Variants in PAPPA2 observed in about 807,000 individuals in gnomAD.
The protein encoded by PAPPA2 is pappalysin 2, also known as pappalysin-2.
PAPPA2 carries 86 observed loss-of-function variants against 176.4 expected under a neutral mutation model. The ratio of observed to expected loss-of-function variants is 0.49; its 90% CI spans 0.41 to 0.58. The LOEUF (loss-of-function observed/expected upper bound fraction) is 0.58, where lower values mean the gene tolerates loss of function less well. Ranked by LOEUF, PAPPA2 falls within the 20% of genes least tolerant of loss-of-function variation. PAPPA2 has a pLI of 0.00. For missense variants in PAPPA2, 2,073 were observed against 2,256.9 expected (o/e 0.92, Z 1.65); for synonymous variants, 809 against 852.2 (o/e 0.95, Z 0.88).
intron 2 of PAPPA2, among the ~76,000 whole-genome samples, chr1:176,562,198 A>G (rs1176572073): frequency 6.6e-6 from 1 of 152,142 alleles, no homozygotes; most frequent in Non-Finnish European, 1.5e-5. Flanking sequence ...TTTAAGGCCT[A>G]TATTGGTAAG....
At chr1:176,596,892 C>G (rs952523964) in intron 3 of PAPPA2, among the ~76,000 whole-genome samples, 1 of 152,140 alleles carries the variant, frequency 6.6e-6, no homozygotes, top group East Asian at 1.9e-4. Context: ...ACAAGGTATC[C>G]CCAGTACACA....
In PAPPA2 at chr1:176,840,235, G is replaced by A. The variant is rs904872534; in HGVS notation, c.5265G>A (p.Gly1755=). The change falls in exon 22 of 23, where the codon GGG becomes GGA. Residue 1755 remains glycine, a synonymous_variant. Coordinates refer to ENST00000367662, the MANE Select transcript of PAPPA2 (RefSeq NM_020318.3). ...ACCGAGCCTACTGCCACTATGACGG[G>A]GGAGACTGCTGCTCTTCCACACTCT... is the stretch of plus-strand genomic sequence containing the variant. The part of the protein sequence containing the change: ...INNRAYCHYD[G]GDCCSSTLSS... The A allele has an allele frequency of 2.5e-6, 4 of 1,613,214 alleles. No individual in the cohort carries two copies. The African/African-American group carries it at 5.3e-5, about 22-fold the overall frequency.
At chr1:176,635,532 T>A (rs1471108036) in intron 3 of PAPPA2, among the ~76,000 whole-genome samples, 1 of 152,164 alleles carries the variant, frequency 6.6e-6, no homozygotes, top group African/African-American at 2.4e-5. Context: ...GCCTTCATAA[T>A]TTATCTTGAG....
intron 2 of PAPPA2, among the ~76,000 whole-genome samples, chr1:176,567,299 C>G (rs1161857959): frequency 6.6e-6 from 1 of 152,152 alleles, no homozygotes; most frequent in Non-Finnish European, 1.5e-5. Context: ...AATGTGGAAA[C>G]TGGAATCCAA....
intron 3 of PAPPA2, among the ~76,000 whole-genome samples, chr1:176,607,463 T>A (rs557831328): frequency 1.3e-5 from 2 of 152,348 alleles, no homozygotes; most frequent in South Asian, 4.1e-4. Context: ...CATGCAACAT[T>A]TGACTTTCTG....
chr1:176,542,239 T>A (rs553882629), intron 1 of PAPPA2, among the ~76,000 whole-genome samples: 1 of 152,298 alleles, frequency 6.6e-6, no homozygotes, highest in African/African-American at 2.4e-5. Context: ...TTTCTGAGAC[T>A]GACAAGATTG....
chr1:176,675,167 G>C (rs142223840), intron 4 of PAPPA2, among the ~76,000 whole-genome samples: 1 of 151,914 alleles, frequency 6.6e-6, no homozygotes, highest in Non-Finnish European at 1.5e-5. Context: ...TTGTTTGGAG[G>C]AAGTTTATCT....
At chr1:176,791,623 A>ATG in intron 19 of PAPPA2, 141 bp downstream of exon 19, 1 of 932,632 alleles carries the variant, frequency 1.1e-6, no homozygotes, top group Non-Finnish European at 1.5e-6. Context: ...GCACAGTCTC[A>ATG]GCTCACTGCA....
chr1:176,791,063 C>T (rs570186259), intron 18 of PAPPA2, among the ~76,000 whole-genome samples: 182 of 151,256 alleles, frequency 1.2e-3, no homozygotes, highest in African/African-American at 4.1e-3. Context: ...ATATGAGCTT[C>T]GGTTGATAGC....
chr1:176,627,790 T>A (rs1431471950), intron 3 of PAPPA2, among the ~76,000 whole-genome samples: 1 of 152,096 alleles, frequency 6.6e-6, no homozygotes, highest in Non-Finnish European at 1.5e-5. Context: ...GTCACCCACA[T>A]AACAGTAGGA....
At chr1:176,668,035 A>T (rs1375875529) in intron 3 of PAPPA2, among the ~76,000 whole-genome samples, 3 of 152,122 alleles carry the variant, frequency 2.0e-5, no homozygotes, top group Non-Finnish European at 4.4e-5. Flanking sequence ...AACACGGTAG[A>T]CTGGAAACCT....
Position 176,739,363 on chromosome 1 carries a change from A to T in PAPPA2, c.3799-263A>T, listed in dbSNP as rs542134944. On this transcript the variant is annotated intron_variant, in intron 12 of 22. Transcript: ENST00000367662. ...AATTTAAAGAAAGACAGGGTCAAGT[A>T]AAAAAAAACAGTTCAGGTATCAGTC... Among the ~76,000 whole-genome samples, 240 of 149,290 alleles carry T rather than the reference A, an allele frequency of 1.6e-3. 1 individual carries two copies. Among genetic ancestry groups the T allele is most frequent in the South Asian group, 4.0e-3 (19 of 4,722 alleles).
chr1:176,739,741 G>T lies in PAPPA2; in HGVS notation c.3914G>T (p.Arg1305Leu), dbSNP rs771937888. 8.1e-5 allele frequency: 130 copies of T among 1,613,514 alleles called. No homozygotes were observed. The highest frequency in any genetic ancestry group is 1.1e-4 in the Non-Finnish European group (125 of 1,179,808). ...GTGACTCTCTACCTGACCGATGTCC[G>T]TGGAAGCAACCACTCTCTTGGTGAG... ...PTVTLYLTDVRGSNHSLGTYG... is the reference protein window; with the variant it reads ...PTVTLYLTDVLGSNHSLGTYG... The change falls in exon 13 of 23, where the codon CGT becomes CTT. Residue 1305 changes from arginine (R) to leucine (L), a missense_variant. Physicochemically the swap from Arg to Leu is moderately radical, Grantham distance 102. Around this residue, in one of 4 missense-constraint regions of PAPPA2, gnomAD observed 846 missense variants for 857.9 expected, o/e 0.99. Transcript: ENST00000367662.
chr1:176,665,704 C>A (rs1483539830), intron 3 of PAPPA2, among the ~76,000 whole-genome samples: 1 of 152,130 alleles, frequency 6.6e-6, no homozygotes, highest in South Asian at 2.1e-4. Context: ...TAAATCTTTC[C>A]ATGGACACAG....
chr1:176,468,928 C>T (rs191172698), intron 1 of PAPPA2, among the ~76,000 whole-genome samples: 2 of 152,164 alleles, frequency 1.3e-5, no homozygotes, highest in Non-Finnish European at 2.9e-5. Context: ...TTTGGCAATT[C>T]AAATGCATCA....
At chr1:176,496,501 C>T (rs1388044039) in intron 1 of PAPPA2, among the ~76,000 whole-genome samples, 2 of 152,006 alleles carry the variant, frequency 1.3e-5, no homozygotes, top group African/African-American at 4.8e-5. Flanking sequence ...TTTGTATTGC[C>T]GAGTGTTCCT....
intron 1 of PAPPA2, among the ~76,000 whole-genome samples, chr1:176,542,827 C>A (rs1484362381): frequency 2.0e-5 from 3 of 152,186 alleles, no homozygotes. Context: ...CATCTAGGGG[C>A]ATATCTGTTT....
At chr1:176,701,480 C>T (rs1408547473) in intron 8 of PAPPA2, among the ~76,000 whole-genome samples, 1 of 152,160 alleles carries the variant, frequency 6.6e-6, no homozygotes, top group Admixed American at 6.5e-5. Flanking sequence ...AGGTTTGCTT[C>T]TCTGGGGGAT....
chr1:176,722,536 A>G (rs570145160), intron 12 of PAPPA2, among the ~76,000 whole-genome samples: 29 of 147,642 alleles, frequency 2.0e-4, no homozygotes, highest in African/African-American at 7.3e-4. Context: ...TACAATTTCT[A>G]TTTCATCAGC....
Sources: allele counts gnomAD v4.1 joint callset (sites outside exome capture counted in the v4.1 genomes callset), GRCh38; gene constraint gnomAD v4.1.1; regional missense constraint gnomAD v4.1.1; transcripts MANE v1.5; gene names NCBI Gene and HGNC (gene_info 2026-07-23, HGNC 2026-07-21).